CDH1: variants seen among roughly 807,000 people sequenced by gnomAD.
CDH1 encodes the protein cadherin-1.
In CDH1, 35 loss-of-function variants were observed where a neutral mutation model predicts 84.5. The ratio of observed to expected loss-of-function variants is 0.41; its 90% confidence interval spans 0.32 to 0.55. The LOEUF (loss-of-function observed/expected upper bound fraction) is 0.55. Among genes scored for constraint, CDH1 ranks in the 20% least tolerant of loss-of-function variants. The pLI is 0.19. For synonymous variants in CDH1, 417 were observed against 439.0 expected (o/e 0.95, Z 0.63); for missense variants, 994 against 1,126.6 (o/e 0.88, Z 1.68).
intron 2 of CDH1, among the ~76,000 whole-genome samples, chr16:68,795,644 G>A (rs763560638): frequency 3.3e-5 from 5 of 152,068 alleles, no homozygotes; most frequent in East Asian, 2.0e-4. Flanking sequence ...ACAGGTGCCC[G>A]CCACCATGCC....
At chr16:68,824,998 C>T (rs1434479558) in intron 13 of CDH1, among the ~76,000 whole-genome samples, 1 of 152,166 alleles carries the variant, frequency 6.6e-6, no homozygotes. Context: ...TGGTGGCTCA[C>T]TCTTTGGGAG....
chr16:68,833,755 G>T lies in CDH1; in HGVS notation c.*256G>T. On this transcript the variant is annotated 3_prime_UTR_variant, in exon 16 of 16. Coordinates refer to ENST00000261769, the MANE Select transcript of CDH1 (RefSeq NM_004360.5). ...CTTTACATGGTGGTGATGTCCAAAA[G>T]ATACCCAAATTTTAATATTCCAGAA... 2.0e-6 allele frequency: 1 copy of T among 503,546 alleles called. No individual in the cohort carries two copies. The highest frequency in any genetic ancestry group is 3.6e-6 in the Non-Finnish European group (1 of 279,226). 31.2% of individuals were successfully genotyped at this position (503,546 alleles called of 1,614,324 possible). A position where few individuals can be genotyped will look rare whatever the true frequency, so the allele number is the denominator to read the frequency against.
rs1366385120 is a variant in CDH1, at chr16:68,833,596, C to A, written c.*97C>A. 1 of 936,276 alleles carries A rather than the reference C, an allele frequency of 1.1e-6. No homozygotes were observed. Among genetic ancestry groups the A allele is most frequent in the Admixed American group, 1.8e-5 (1 of 54,466 alleles). The allele number at this position is 936,276 out of a possible 1,614,324, so 58.0% of individuals were successfully genotyped here. A position where few individuals can be genotyped will look rare whatever the true frequency, so the allele number is the denominator to read the frequency against. On this transcript the variant is annotated 3_prime_UTR_variant, in exon 16 of 16. Transcript: ENST00000261769. Reference sequence around the variant, plus strand: ...AGCTCCCTTCCCTTGAGATGAGTTTCTGGGGAAAAAAAAGAGACTGGTTAG... The same window carrying A: ...AGCTCCCTTCCCTTGAGATGAGTTTATGGGGAAAAAAAAGAGACTGGTTAG...
Sources: gnomAD v4.1 joint callset for allele counts (sites outside exome capture counted in the v4.1 genomes callset) on GRCh38, gnomAD v4.1.1 for gene constraint, MANE v1.5 for transcripts, NCBI Gene and HGNC (gene_info 2026-07-23, HGNC 2026-07-21) for gene names.